Variants in ADGRB1 observed in about 807,000 individuals in gnomAD.
ADGRB1 encodes brain-specific angiogenesis inhibitor 1.
Under a neutral mutation model 175.7 loss-of-function variants are expected in ADGRB1, and 36 were observed. The ratio of observed to expected loss-of-function variants is 0.20; its 90% CI spans 0.16 to 0.27. ADGRB1 has a LOEUF of 0.27. Among genes scored for constraint, ADGRB1 ranks in the 10% least tolerant of loss-of-function variants. The probability of loss-of-function intolerance (pLI) is 1.00; values close to 1 mark genes in which losing one functional copy is unlikely to be tolerated. For synonymous variants in ADGRB1, 1,054 were observed against 979.4 expected, an observed-to-expected ratio of 1.08 and a Z score of -1.42; for missense variants, 1,731 against 2,255.3, an observed-to-expected ratio of 0.77 and a Z score of 4.71.
Position 142,511,154 on chromosome 8 carries a change from G to A in ADGRB1, c.2817+81G>A. On this transcript the variant is annotated intron_variant, in intron 18 of 30. Transcript: ENST00000517894. This position sits in a 1 kb window ranked among gnomAD's most constrained non-coding sequence, Gnocchi z 4.5. ...CTGCCGGCGGGCCTGCGGGTGGGGA[G>A]GGCCCGCACCCGTCCTGTCCCGGAG... The A allele has an allele frequency of 1.0e-6, 1 of 987,174 alleles. No homozygotes were observed. Among genetic ancestry groups the A allele is most frequent in the Non-Finnish European group, 1.2e-6 (1 of 820,902 alleles). 61.2% of individuals were successfully genotyped at this position (987,174 alleles called of 1,614,324 possible).
rs915359785 is a variant in ADGRB1, at chr8:142,543,134, C to A, written c.4414-269C>A. ...TGTCGGGGGACCCAGCCATGTGGCC[C>A]CAAGTTCAGGTCTCCTTGATCCTGG... On this transcript the variant is annotated intron_variant, in intron 28 of 30. Transcript: ENST00000517894. This position sits in a 1 kb window ranked among gnomAD's most constrained non-coding sequence, Gnocchi z 4.4. Among the ~76,000 whole-genome samples, 7 of 152,162 alleles carry A rather than the reference C, an allele frequency of 4.6e-5. No individual in the cohort carries two copies. Among genetic ancestry groups the A allele is most frequent in the African/African-American group, 1.7e-4 (7 of 41,454 alleles).
chr8:142,519,163 A>G (rs1383118805), intron 19 of ADGRB1, among the ~76,000 whole-genome samples: 1 of 152,220 alleles, frequency 6.6e-6, no homozygotes, highest in African/African-American at 2.4e-5. Context: ...CCTGGATTCC[A>G]CAAAACATCT....
At chr8:142,483,119 C>T (rs540648371) in intron 11 of ADGRB1, among the ~76,000 whole-genome samples, 1 of 149,262 alleles carries the variant, frequency 6.7e-6, no homozygotes, top group Non-Finnish European at 1.5e-5. Context: ...CCTGCTGAAC[C>T]CTGACCTTGG....
chr8:142,518,324 C>T lies in ADGRB1; in HGVS notation c.2921+83C>T, dbSNP rs1182413914. ...TTCCCTTGAAGGTCACGGGCGGGGT[C>T]GTGGGTGCCCCTCCCTCCATTTGTC... On this transcript the variant is annotated intron_variant, in intron 19 of 30. Transcript: ENST00000517894. 4 of 1,430,446 alleles carry T rather than the reference C, an allele frequency of 2.8e-6. 1 individual carries two copies. Among genetic ancestry groups the T allele is most frequent in the African/African-American group, 2.8e-5 (2 of 71,338 alleles). 88.6% of individuals were successfully genotyped at this position (1,430,446 alleles called of 1,614,324 possible).
intron 25 of ADGRB1, among the ~76,000 whole-genome samples, chr8:142,534,019 G>A (rs150424292): frequency 6.6e-6 from 1 of 152,344 alleles, no homozygotes; most frequent in East Asian, 1.9e-4. Flanking sequence ...GCCCAGGAGC[G>A]GGGCGGCCAC....
chr8:142,522,380 A>G (rs1435803249), intron 21 of ADGRB1, among the ~76,000 whole-genome samples: 1 of 152,208 alleles, frequency 6.6e-6, no homozygotes, highest in Non-Finnish European at 1.5e-5. Flanking sequence ...GTACATTTAC[A>G]AAAAGATGAT....
intron 18 of ADGRB1, among the ~76,000 whole-genome samples, chr8:142,517,381 C>T (rs989491918): frequency 1.3e-5 from 2 of 152,246 alleles, no homozygotes; most frequent in Admixed American, 1.3e-4. Context: ...AGCTCCCACA[C>T]TCTCCTGCCT....
At chr8:142,482,184 AC>A (rs1841385990) in intron 11 of ADGRB1, among the ~76,000 whole-genome samples, 1 of 136,002 alleles carries the variant, frequency 7.4e-6, no homozygotes, top group Non-Finnish European at 1.6e-5. Context: ...CCCTGGTCAC[AC>A]TGAGCCCTGA....
chr8:142,473,895 G>C (rs1840793913), intron 2 of ADGRB1, among the ~76,000 whole-genome samples: 1 of 152,252 alleles, frequency 6.6e-6, no homozygotes, highest in African/African-American at 2.4e-5. Flanking sequence ...GGGGAAGTGG[G>C]GCAGGGTGGG....
chr8:142,544,222 G>A lies in ADGRB1; in HGVS notation c.4560G>A (p.Pro1520=), dbSNP rs781107599. The A allele has an allele frequency of 5.7e-5, 89 of 1,548,698 alleles. No homozygotes were observed. The highest frequency in any genetic ancestry group is 7.5e-5 in the Non-Finnish European group (86 of 1,146,634). ...DKEVLGPDSK[P]EKQQTPNKRP... ...CTGCACCACGGGCCACCCAGCAGCC[G>A]GAAAAGCAGCAGACGCCCAACAAGA... The change falls in exon 31 of 31, where the codon CCG becomes CCA. Residue 1520 remains proline, a splice_region_variant and synonymous_variant. Coordinates refer to ENST00000517894, the MANE Select transcript of ADGRB1 (RefSeq NM_001702.3).
chr8:142,543,821 T>C lies in ADGRB1; in HGVS notation c.4557+113T>C, dbSNP rs1191156758. Reference sequence around the variant, plus strand: ...ATCCATCCATCCATCCATCCATTCGTTCATTCATTCATTCATTCGCCCATC... The same window carrying C: ...ATCCATCCATCCATCCATCCATTCGCTCATTCATTCATTCATTCGCCCATC... On this transcript the variant is annotated intron_variant, in intron 30 of 30. Coordinates refer to ENST00000517894, the MANE Select transcript of ADGRB1 (RefSeq NM_001702.3). This position sits in a 1 kb window ranked among gnomAD's most constrained non-coding sequence, Gnocchi z 4.4. The C allele has an allele frequency of 6.2e-6, 6 of 964,796 alleles. No homozygotes were observed. The Admixed American group carries it at 8.5e-5, about 14-fold the overall frequency. The allele number at this position is 964,796 out of a possible 1,614,324, so 59.8% of individuals were successfully genotyped here.
At chr8:142,471,184 C>G (rs1027131156) in intron 2 of ADGRB1, among the ~76,000 whole-genome samples, 12 of 152,222 alleles carry the variant, frequency 7.9e-5, no homozygotes, top group African/African-American at 2.9e-4. Flanking sequence ...GTCCCCATCA[C>G]AGACAACACC....
intron 17 of ADGRB1, among the ~76,000 whole-genome samples, chr8:142,491,081 C>T (rs994930700): frequency 2.6e-5 from 4 of 152,282 alleles, no homozygotes; most frequent in East Asian, 1.9e-4. Context: ...GATGGGCAGG[C>T]GTCCTGGCCT....
rs1325323084 is a variant in ADGRB1 at position 142,543,528 on chromosome 8, G to T, written c.4450-73G>T. 1.9e-6 allele frequency: 3 copies of T among 1,597,292 alleles called. No homozygotes were observed. Among genetic ancestry groups the T allele is most frequent in the African/African-American group, 1.3e-5 (1 of 74,586 alleles). The stretch of plus-strand genomic sequence containing the variant: ...CCAGGCAGCTCCCCGGCAGCCAGGG[G>T]ACGGGCGGGGCAGGCAGGATGGGCC... On this transcript the variant is annotated intron_variant, in intron 29 of 30. Transcript: ENST00000517894. This position sits in a 1 kb window ranked among gnomAD's most constrained non-coding sequence, Gnocchi z 4.4.
chr8:142,464,554 G>C lies in ADGRB1; in HGVS notation c.356G>C (p.Ser119Thr), dbSNP rs1449362847. 1 of 1,552,664 alleles carries C rather than the reference G, an allele frequency of 6.4e-7. No individual in the cohort carries two copies. Among genetic ancestry groups the C allele is most frequent in the African/African-American group, 1.4e-5 (1 of 72,316 alleles). Residue 119 changes from serine to threonine, a missense_variant, in exon 2 of 31, where the codon AGC becomes ACC. Ser to Thr is a moderately conservative substitution (Grantham distance 58, BLOSUM62 1). This residue lies in a region of ADGRB1 where 383 missense variants were observed against 383.1 expected (regional missense o/e 1.00). Transcript: ENST00000517894. ...ACGCGCACCTACCTGGGCGTGGAGA[G>C]CTTCGACGAGGTGCTGCGGCTCTGC... is the stretch of plus-strand genomic sequence containing the variant. ...ESTRTYLGVE[S>T]FDEVLRLCDP...
At chr8:142,466,912 C>T (rs752621963) in intron 2 of ADGRB1, among the ~76,000 whole-genome samples, 3 of 152,208 alleles carry the variant, frequency 2.0e-5, no homozygotes, top group Admixed American at 6.5e-5. Flanking sequence ...CTTTGCAGAG[C>T]GTTTTCCTCC....
chr8:142,454,221 C>G (rs1040638560), intron 1 of ADGRB1, among the ~76,000 whole-genome samples: 1 of 152,170 alleles, frequency 6.6e-6, no homozygotes, highest in Non-Finnish European at 1.5e-5. Context: ...GCACAAGACG[C>G]AGGCCACATT....
intron 25 of ADGRB1, among the ~76,000 whole-genome samples, chr8:142,536,654 G>A (rs866347392): frequency 3.7e-4 from 56 of 152,168 alleles, no homozygotes; most frequent in African/African-American, 1.3e-3. Flanking sequence ...CAGGTCCAGG[G>A]ACATCTTCGG....
rs1351929293 is a variant in ADGRB1, at chr8:142,510,519, G to A, written c.2676-413G>A. ...CCGGCTCGCACCCTCCCCGCTCCAC[G>A]TGCGCCCACGCGCCCCTCCGGGCCT... On this transcript the variant is annotated intron_variant, in intron 17 of 30. Coordinates refer to ENST00000517894, the MANE Select transcript of ADGRB1 (RefSeq NM_001702.3). The surrounding 1 kb of genome is among the most constrained non-coding windows in gnomAD (Gnocchi z 6.3). Among the ~76,000 whole-genome samples the A allele has an allele frequency of 6.7e-6, 1 of 150,142 alleles. No individual in the cohort carries two copies. The highest frequency in any genetic ancestry group is 2.0e-4 in the East Asian group (1 of 4,936).
Sources: allele counts gnomAD v4.1 joint callset (sites outside exome capture counted in the v4.1 genomes callset), GRCh38; gene constraint gnomAD v4.1.1; regional missense constraint gnomAD v4.1.1; non-coding constraint Gnocchi (gnomAD v3.1); transcripts MANE v1.5; gene names NCBI Gene and HGNC (gene_info 2026-07-23, HGNC 2026-07-21).